Variants in DPH6 observed in about 807,000 individuals in gnomAD.
The protein encoded by DPH6 is diphthamine biosynthesis 6.
Under a neutral mutation model 38.2 loss-of-function variants are expected in DPH6, and 33 were observed. The observed-to-expected ratio is 0.86, with a 90% CI of 0.65 to 1.15. The LOEUF (loss-of-function observed/expected upper bound fraction) is 1.15, where lower values mean the gene tolerates loss of function less well. Among genes scored for constraint, DPH6 ranks in the 50% most tolerant of loss-of-function variants. The pLI is 0.00. For missense variants in DPH6, 325 were observed against 320.0 expected, an observed-to-expected ratio of 1.02 and a Z score of -0.12; for synonymous variants, 108 against 103.0, an observed-to-expected ratio of 1.05 and a Z score of -0.30.
chr15:35,394,073 G>C (rs535405097), intron 6 of DPH6, among the ~76,000 whole-genome samples: 1 of 151,982 alleles, frequency 6.6e-6, no homozygotes, highest in Non-Finnish European at 1.5e-5. Flanking sequence ...ACGCTTCTCT[G>C]ACTCCTTTCC....
chr15:35,472,978 T>A lies in DPH6; in HGVS notation c.313-18158A>T, dbSNP rs551323363. Among the ~76,000 whole-genome samples the A allele has an allele frequency of 2.4e-4, 36 of 151,952 alleles. 1 individual carries two copies. The highest frequency in any genetic ancestry group is 2.0e-3 in the Admixed American group (30 of 15,238). ...TATCCAGTATCACCACATGCAGGGTTAGTAATTGAGGGCTACCACCTCAAC... is the reference window on the plus strand; with the variant it reads ...TATCCAGTATCACCACATGCAGGGTAAGTAATTGAGGGCTACCACCTCAAC... On this transcript the variant is annotated intron_variant, in intron 3 of 8. Transcript: ENST00000256538.
rs545232368 is a variant in DPH6, at chr15:35,445,364, C to T, written c.505+5321G>A. Among the ~76,000 whole-genome samples, 7 of 136,802 alleles carry T rather than the reference C, an allele frequency of 5.1e-5. No individual in the cohort carries two copies. The South Asian group carries it at 1.6e-3, about 32-fold the overall frequency. The allele number at this position is 136,802 out of a possible 152,430, so 89.7% of individuals were successfully genotyped here. ...CTGTTCCGAATCCTCCATCTGTGTACTTTAATTAGTAATAGTCAAATCATC... is the reference window on the plus strand; with the variant it reads ...CTGTTCCGAATCCTCCATCTGTGTATTTTAATTAGTAATAGTCAAATCATC... On this transcript the variant is annotated intron_variant, in intron 5 of 8. Transcript: ENST00000256538.
chr15:35,239,007 C>T lies in DPH6; in HGVS notation n.201-18425G>A, dbSNP rs954477684. ...GCCTGCACCCAGGTGAAATAAACAG[C>T]CATGTTGCTCACACAAAGCCTGTTT... On this transcript the variant is annotated intron_variant and non_coding_transcript_variant, in intron 3 of 3. Transcript: ENST00000560386. Among the ~76,000 whole-genome samples the T allele has an allele frequency of 2.8e-5, 4 of 145,342 alleles. 1 individual carries two copies. The highest frequency in any genetic ancestry group is 6.1e-5 in the Non-Finnish European group (4 of 65,868).
intron 3 of DPH6, among the ~76,000 whole-genome samples, chr15:35,307,562 A>G (rs1285196926): frequency 6.6e-6 from 1 of 152,196 alleles, no homozygotes; most frequent in Non-Finnish European, 1.5e-5. Context: ...AAATTGAAAT[A>G]CAGATGAAGG....
downstream of DPH6, among the ~76,000 whole-genome samples, chr15:35,329,765 C>G (rs116932386): frequency 7.2e-4 from 110 of 152,234 alleles, no homozygotes; most frequent in East Asian, 0.017. Context: ...GGCCAAAACC[C>G]CATAGGAAAT....
intron 3 of DPH6, among the ~76,000 whole-genome samples, chr15:35,332,644 G>A (rs2052334649): frequency 6.6e-6 from 1 of 151,942 alleles, no homozygotes; most frequent in East Asian, 1.9e-4. Flanking sequence ...ATGGTGACAA[G>A]GACAGTACTT....
At chr15:35,187,162 G>A in the DPH6 span, among the ~76,000 whole-genome samples, 1 of 152,122 alleles carries the variant, frequency 6.6e-6, no homozygotes, top group African/African-American at 2.4e-5. Context: ...CCTGACCCAT[G>A]GTAGGTGCTC....
At chr15:35,460,608 T>C (rs2054053214) in intron 3 of DPH6, among the ~76,000 whole-genome samples, 1 of 152,222 alleles carries the variant, frequency 6.6e-6, no homozygotes, top group Middle Eastern at 3.2e-3. Context: ...TAAACATTTA[T>C]ATTAGTATTA....
chr15:35,402,840 T>C (rs994886747), intron 6 of DPH6, among the ~76,000 whole-genome samples: 2 of 152,052 alleles, frequency 1.3e-5, no homozygotes, highest in Admixed American at 6.6e-5. Flanking sequence ...ACAATCATAA[T>C]GTTATTTTTA....
At chr15:35,377,294 T>G (rs565468802) in intron 7 of DPH6, among the ~76,000 whole-genome samples, 6 of 152,240 alleles carry the variant, frequency 3.9e-5, no homozygotes, top group Non-Finnish European at 8.8e-5. Flanking sequence ...CTTCCTTTCT[T>G]CTTTTTTCAT....
At chr15:35,307,173 A>G (rs2052098819) in intron 3 of DPH6, among the ~76,000 whole-genome samples, 2 of 152,128 alleles carry the variant, frequency 1.3e-5, no homozygotes, top group Non-Finnish European at 2.9e-5. Flanking sequence ...ACTGGGCACT[A>G]CTCTGACTAG....
chr15:35,486,234 C>G (rs1158648494), intron 3 of DPH6, among the ~76,000 whole-genome samples: 1 of 152,068 alleles, frequency 6.6e-6, no homozygotes, highest in Non-Finnish European at 1.5e-5. Flanking sequence ...ATCACAAGAA[C>G]AGCATGGGGG....
chr15:35,204,697 C>T, the DPH6 span, among the ~76,000 whole-genome samples: 5 of 151,776 alleles, frequency 3.3e-5, no homozygotes, highest in African/African-American at 9.7e-5. Flanking sequence ...TAATCAAACT[C>T]CTCCATTCTA....
At chr15:35,243,810 T>G (rs1436159637) in intron 3 of DPH6, among the ~76,000 whole-genome samples, 1 of 152,192 alleles carries the variant, frequency 6.6e-6, no homozygotes, top group Non-Finnish European at 1.5e-5. Context: ...GCCTGTTTGG[T>G]GGTCTCTTCC....
chr15:35,425,514 AATTGGAGCC>A (rs2053557899), intron 5 of DPH6, among the ~76,000 whole-genome samples: 1 of 151,322 alleles, frequency 6.6e-6, no homozygotes, highest in Admixed American at 6.6e-5. Context: ...GATCAGAAGA[AATTGGAGCC>A]ATTGGTTGAG....
chr15:35,167,707 T>C, the DPH6 span, among the ~76,000 whole-genome samples: 1 of 152,018 alleles, frequency 6.6e-6, no homozygotes, highest in African/African-American at 2.4e-5. Context: ...TGATCTGTAA[T>C]GCAGCCTTGC....
At chr15:35,512,475 C>T (rs577785599) in intron 3 of DPH6, among the ~76,000 whole-genome samples, 11 of 152,204 alleles carry the variant, frequency 7.2e-5, no homozygotes, top group South Asian at 2.1e-4. Flanking sequence ...ATACTAAAAT[C>T]TAGCACACGA....
intron 3 of DPH6, among the ~76,000 whole-genome samples, chr15:35,265,815 T>C (rs2051780265): frequency 6.6e-6 from 1 of 152,214 alleles, no homozygotes; most frequent in Non-Finnish European, 1.5e-5. Context: ...AAAGTCTTTC[T>C]TTTATATCGC....
intron 3 of DPH6, among the ~76,000 whole-genome samples, chr15:35,515,980 G>C (rs1803244622): frequency 6.6e-6 from 1 of 151,910 alleles, no homozygotes; most frequent in Non-Finnish European, 1.5e-5. Context: ...TTTAATAGGT[G>C]GTCACTCAAA....
Sources: allele counts gnomAD v4.1 joint callset (sites outside exome capture counted in the v4.1 genomes callset), GRCh38; gene constraint gnomAD v4.1.1; transcripts MANE v1.5; gene names NCBI Gene and HGNC (gene_info 2026-07-23, HGNC 2026-07-21).